Variants in LDAH observed in about 807,000 individuals in gnomAD.
The protein encoded by LDAH is lipid droplet associated hydrolase.
A neutral mutation model predicts 29.6 loss-of-function variants in LDAH; 26 were observed. The observed-to-expected ratio is 0.88, with a 90% CI of 0.64 to 1.22. The LOEUF is 1.22. Among genes scored for constraint, LDAH ranks in the 50% most tolerant of loss-of-function variants. The pLI is 0.00. For missense variants in LDAH, 344 were observed against 387.3 expected (o/e 0.89, Z 0.94); for synonymous variants, 117 against 133.0 (o/e 0.88, Z 0.83).
chr2:20,698,658 C>T lies in LDAH; in HGVS notation c.786+2912G>A, dbSNP rs1355098789. ...TCGTGCCACTGCACTCTAGCCTGGG[C>T]GACAGTGCAAGACTCTGTCTCAAAA... On this transcript the variant is annotated intron_variant, in intron 6 of 6. Coordinates refer to ENST00000237822, the MANE Select transcript of LDAH (RefSeq NM_021925.4). This position sits in a 1 kb window ranked among gnomAD's most constrained non-coding sequence, Gnocchi z 4.4. Among the ~76,000 whole-genome samples, 5 of 151,752 alleles carry T rather than the reference C, an allele frequency of 3.3e-5. No homozygotes were observed. Among genetic ancestry groups the T allele is most frequent in the South Asian group, 2.1e-4 (1 of 4,814 alleles).
Position 20,810,233 on chromosome 2 carries a change from T to C in LDAH, c.-2-8768A>G, listed in dbSNP as rs1433519511. On this transcript the variant is annotated intron_variant, in intron 1 of 6. Coordinates refer to ENST00000237822, the MANE Select transcript of LDAH (RefSeq NM_021925.4). Reference sequence around the variant, plus strand: ...TTCATATGCTTGGTGACTGATGCTGTTGTCACATAGGCTGTTGGCCTGGAA... The same window carrying C: ...TTCATATGCTTGGTGACTGATGCTGCTGTCACATAGGCTGTTGGCCTGGAA... Among the ~76,000 whole-genome samples, 3 of 152,220 alleles carry C rather than the reference T, an allele frequency of 2.0e-5. No homozygotes were observed. In the East Asian group the frequency reaches 5.8e-4, roughly 29 times the overall value.
rs140458113 is a variant in LDAH, at chr2:20,751,311, AT to A, written c.469-11107del. On this transcript the variant is annotated intron_variant, in intron 4 of 6. Transcript: ENST00000237822. ...ATGTAGTTTCCACTAGTAAAATATA[AT>A]TACTGCATGAAAGATGCACATTCTG... Among the ~76,000 whole-genome samples the A allele has an allele frequency of 4.0e-3, 609 of 152,260 alleles. 5 individuals are homozygous for A. The highest frequency in any genetic ancestry group is 0.014 in the African/African-American group (576 of 41,552).
intron 4 of LDAH, among the ~76,000 whole-genome samples, chr2:20,751,132 G>A (rs1437328961): frequency 6.6e-6 from 1 of 152,042 alleles, no homozygotes; most frequent in Non-Finnish European, 1.5e-5. Flanking sequence ...TGTACCCCCG[G>A]TATCTAAAAT....
At chr2:20,700,402 T>G (rs1048533181) in intron 6 of LDAH, among the ~76,000 whole-genome samples, 1 of 152,240 alleles carries the variant, frequency 6.6e-6, no homozygotes, top group Non-Finnish European at 1.5e-5. Flanking sequence ...AAAAAAATTT[T>G]AAGAACATAT....
chr2:20,787,179 C>A (rs1670613228), intron 3 of LDAH, among the ~76,000 whole-genome samples: 1 of 152,220 alleles, frequency 6.6e-6, no homozygotes, highest in Non-Finnish European at 1.5e-5. Context: ...CTTCTACAAT[C>A]TTCATTGTAT....
intron 2 of LDAH, among the ~76,000 whole-genome samples, chr2:20,795,800 A>G (rs951262742): frequency 1.3e-5 from 2 of 152,204 alleles, no homozygotes; most frequent in African/African-American, 4.8e-5. Context: ...TGCTAGCTGC[A>G]AAAGCAATGT....
chr2:20,743,441 C>T (rs989604331), intron 4 of LDAH, among the ~76,000 whole-genome samples: 1 of 152,140 alleles, frequency 6.6e-6, no homozygotes, highest in Admixed American at 6.5e-5. Context: ...TAACACTATA[C>T]CACTTTATAA....
At chr2:20,784,174 G>A (rs12468977) in intron 3 of LDAH, among the ~76,000 whole-genome samples, 40,160 of 151,940 alleles carry the variant, frequency 0.26, 6,132 homozygotes, top group East Asian at 0.5. Flanking sequence ...AGGAGGCCAG[G>A]GCAGGTAGAT....
chr2:20,806,196 A>T (rs957522825), intron 1 of LDAH, among the ~76,000 whole-genome samples: 2 of 152,196 alleles, frequency 1.3e-5, no homozygotes, highest in Non-Finnish European at 2.9e-5. Flanking sequence ...TTTCCAAGTT[A>T]AAGTACCAAC....
At chr2:20,747,487 C>T (rs1310365700) in intron 4 of LDAH, among the ~76,000 whole-genome samples, 6 of 152,116 alleles carry the variant, frequency 3.9e-5, no homozygotes, top group Admixed American at 3.9e-4. Context: ...AGACAGCCTT[C>T]AAAGATAAAC....
chr2:20,748,049 G>T (rs555724734), intron 4 of LDAH, among the ~76,000 whole-genome samples: 46 of 152,246 alleles, frequency 3.0e-4, no homozygotes, highest in African/African-American at 1.0e-3. Context: ...ATTATTGTTA[G>T]ATATGGGCTA....
intron 5 of LDAH, among the ~76,000 whole-genome samples, chr2:20,712,713 A>G (rs1572453629): frequency 6.6e-6 from 1 of 152,214 alleles, no homozygotes. Flanking sequence ...GGAGCTGAAA[A>G]CCATGGCACA....
chr2:20,790,456 C>T (rs1670870837), intron 2 of LDAH, 58 bp from the exon 3 acceptor site: 3 of 1,458,726 alleles, frequency 2.1e-6, no homozygotes, highest in Non-Finnish European at 2.8e-6. Context: ...CATAAGATGA[C>T]ACGCAGGCTA....
chr2:20,799,167 G>C (rs1045838784), intron 2 of LDAH, among the ~76,000 whole-genome samples: 3 of 152,130 alleles, frequency 2.0e-5, no homozygotes, highest in African/African-American at 7.2e-5. Flanking sequence ...GTGGAGGGTT[G>C]CAGTGAGCTG....
intron 6 of LDAH, among the ~76,000 whole-genome samples, chr2:20,701,187 G>T (rs75498567): frequency 0.054 from 8,205 of 152,152 alleles, 291 homozygotes; most frequent in East Asian, 0.13. Flanking sequence ...AATAAGAAAG[G>T]CTCACTAGTC....
intron 1 of LDAH, among the ~76,000 whole-genome samples, chr2:20,813,834 G>T (rs1368178546): frequency 6.6e-6 from 1 of 151,912 alleles, no homozygotes; most frequent in Non-Finnish European, 1.5e-5. Context: ...ATTTTTTCAT[G>T]TTTGTTAGCT....
intron 6 of LDAH, among the ~76,000 whole-genome samples, chr2:20,689,448 G>A (rs1440071867): frequency 6.6e-6 from 1 of 152,064 alleles, no homozygotes; most frequent in African/African-American, 2.4e-5. Flanking sequence ...CTTCCTCCTG[G>A]TCTCAGCTCT....
intron 1 of LDAH, among the ~76,000 whole-genome samples, chr2:20,803,513 C>T (rs1237111779): frequency 1.3e-5 from 2 of 152,196 alleles, no homozygotes; most frequent in African/African-American, 4.8e-5. Context: ...ACTTGCAATT[C>T]CAGTGGTATC....
chr2:20,788,516 C>G (rs994048307), intron 3 of LDAH, among the ~76,000 whole-genome samples: 1 of 152,176 alleles, frequency 6.6e-6, no homozygotes, highest in Admixed American at 6.5e-5. Flanking sequence ...CAACCTTGTA[C>G]ATCAATGTCT....
Sources: allele counts gnomAD v4.1 joint callset (sites outside exome capture counted in the v4.1 genomes callset), GRCh38; gene constraint gnomAD v4.1.1; non-coding constraint Gnocchi (gnomAD v3.1); transcripts MANE v1.5; gene names NCBI Gene and HGNC (gene_info 2026-07-23, HGNC 2026-07-21).